Variants in ADAM2 observed in about 807,000 individuals in gnomAD.
ADAM2 encodes disintegrin and metalloproteinase domain-containing protein 2.
A neutral mutation model predicts 99.3 loss-of-function variants in ADAM2; 101 were observed. The observed-to-expected ratio is 1.02, with a 90% CI of 0.87 to 1.20. ADAM2 has a LOEUF of 1.20. Among genes scored for constraint, ADAM2 ranks in the 50% most tolerant of loss-of-function variants. The probability of loss-of-function intolerance (pLI) is 0.00; values close to 1 mark genes in which losing one functional copy is unlikely to be tolerated. For missense variants in ADAM2, 948 were observed against 878.7 expected (o/e 1.08, Z -1.00); for synonymous variants, 323 against 287.6 (o/e 1.12, Z -1.25).
chr8:39,787,014 C>T lies in ADAM2; in HGVS notation c.851G>A (p.Gly284Glu), dbSNP rs1187853699. ...TGCATAGTTTGCATCACACATCTTC[C>T]CTTGAAAGGTTGCACCAACATAATT... ...KSNYVGATFQGKMCDANYAGG... is the reference protein window; with the variant it reads ...KSNYVGATFQEKMCDANYAGG... Residue 284 changes from glycine (G) to glutamate (E), a missense_variant, in exon 10 of 21, where the codon GGG (glycine) becomes GAG (glutamate). By Grantham distance (98) the Gly-to-Glu change is moderately conservative (BLOSUM62 -2). Transcript: ENST00000265708. The T allele has an allele frequency of 1.3e-6, 2 of 1,591,116 alleles. No individual in the cohort carries two copies. The highest frequency in any genetic ancestry group is 1.3e-5 in the African/African-American group (1 of 74,130).
chr8:39,744,445 C>G (rs942313553), intron 20 of ADAM2, among the ~76,000 whole-genome samples: 1 of 151,916 alleles, frequency 6.6e-6, no homozygotes, highest in African/African-American at 2.4e-5. Flanking sequence ...CCAACCCCCC[C>G]ATCCTTAAAA....
intron 6 of ADAM2, among the ~76,000 whole-genome samples, chr8:39,816,957 C>T (rs1804968952): frequency 6.6e-6 from 1 of 152,136 alleles, no homozygotes; most frequent in Non-Finnish European, 1.5e-5. Context: ...AGTTTGTCAA[C>T]TCCTAATTAG....
In ADAM2 at chr8:39,743,845, G is replaced by T. The variant is rs958329860; in HGVS notation, c.*250C>A. 1 of 151,960 alleles carries T rather than the reference G, an allele frequency of 6.6e-6. No homozygotes were observed. The highest frequency in any genetic ancestry group is 1.5e-5 in the Non-Finnish European group (1 of 67,962). 9.4% of individuals were successfully genotyped at this position (151,960 alleles called of 1,614,324 possible). On this transcript the variant is annotated 3_prime_UTR_variant, in exon 21 of 21. Transcript: ENST00000265708. ...TAGTGTCTACTAACCAACAGAAATA[G>T]CGTAAGATAACTTTAAAAAAACAGA... is the stretch of plus-strand genomic sequence containing the variant.
chr8:39,838,121 T>C lies in ADAM2; in HGVS notation c.55+10A>G. On this transcript the variant is annotated intron_variant, in intron 1 of 20. Transcript: ENST00000265708. ...TCCCAAAAGGCCAGAGGAGGGGTTT[T>C]TCTGCTTACTACTGTCCATCCGCAG... 1.2e-6 allele frequency: 2 copies of C among 1,614,058 alleles called. No homozygotes were observed. Among genetic ancestry groups the C allele is most frequent in the South Asian group, 1.1e-5 (1 of 91,078 alleles).
At chr8:39,829,155 G>T (rs1805522431) in intron 3 of ADAM2, among the ~76,000 whole-genome samples, 1 of 151,834 alleles carries the variant, frequency 6.6e-6, no homozygotes, top group African/African-American at 2.4e-5. Flanking sequence ...AATGGGAAAG[G>T]TAAAACTAAA....
rs186853856 is a variant in ADAM2 at position 39,794,031 on chromosome 8, A to G, written c.571-5291T>C. Reference sequence around the variant, plus strand: ...TCTGTTTTAGCCATCTGGGTGAATAATCTTGTTCCATTAGCTACAAATATA... The same window carrying G: ...TCTGTTTTAGCCATCTGGGTGAATAGTCTTGTTCCATTAGCTACAAATATA... On this transcript the variant is annotated intron_variant, in intron 7 of 20. Coordinates refer to ENST00000265708, the MANE Select transcript of ADAM2 (RefSeq NM_001464.5). 1.2e-4 allele frequency among the ~76,000 whole-genome samples: 18 copies of G among 152,292 alleles called. No individual in the cohort carries two copies. In the East Asian group the frequency reaches 3.3e-3, roughly 28 times the overall value.
chr8:39,797,269 C>T (rs941024446), intron 7 of ADAM2, among the ~76,000 whole-genome samples: 7 of 152,180 alleles, frequency 4.6e-5, no homozygotes, highest in Admixed American at 2.0e-4. Context: ...CTGCATATGG[C>T]TAGCCAGTTT....
At chr8:39,771,120 A>C (rs929936965) in intron 11 of ADAM2, among the ~76,000 whole-genome samples, 1 of 152,222 alleles carries the variant, frequency 6.6e-6, no homozygotes, top group Non-Finnish European at 1.5e-5. Flanking sequence ...CATCAACCTC[A>C]ACTCACTCTG....
At position 39,831,746 on chromosome 8, in the gene ADAM2, A is replaced by G. The variant is rs369586265; in HGVS notation, c.188+2198T>C. On this transcript the variant is annotated intron_variant, in intron 3 of 20. Transcript: ENST00000265708. ...GTAAAATGGAAATCATCGAGAATAAAGCACGAAATCAGGAATAACAGGAAA... is the reference window on the plus strand; with the variant it reads ...GTAAAATGGAAATCATCGAGAATAAGGCACGAAATCAGGAATAACAGGAAA... Among the ~76,000 whole-genome samples, 7 of 152,180 alleles carry G rather than the reference A, an allele frequency of 4.6e-5. No individual in the cohort carries two copies. The East Asian group carries it at 1.2e-3, about 25-fold the overall frequency.
At chr8:39,776,915 TCA>T (rs1271404516) in intron 11 of ADAM2, 108 bp downstream of exon 11, 1 of 679,312 alleles carries the variant, frequency 1.5e-6, no homozygotes, top group Non-Finnish European at 2.5e-6. Context: ...CCTGGAGTCC[TCA>T]GTCACAGCTG....
intron 15 of ADAM2, among the ~76,000 whole-genome samples, chr8:39,760,882 CAAAAAAAAAA>C (rs58386097): frequency 2.2e-4 from 13 of 60,182 alleles, no homozygotes; most frequent in African/African-American, 2.7e-4. Context: ...GACTCCATCT[CAAAAAAAAAA>C]AAAAAAAAAA....
intron 11 of ADAM2, among the ~76,000 whole-genome samples, chr8:39,776,545 CA>C (rs950487627): frequency 6.3e-4 from 96 of 151,774 alleles, no homozygotes; most frequent in African/African-American, 2.3e-3. Context: ...TTGATATCAG[CA>C]AAAAAAATTC....
At chr8:39,744,649 G>A (rs1482266883) in intron 20 of ADAM2, among the ~76,000 whole-genome samples, 181 bp downstream of exon 20, 1 of 152,092 alleles carries the variant, frequency 6.6e-6, no homozygotes, top group Non-Finnish European at 1.5e-5. Flanking sequence ...TGGGAGGCAA[G>A]GGGAGGAAGA....
At chr8:39,829,127 TG>T (rs1365674185) in intron 3 of ADAM2, among the ~76,000 whole-genome samples, 1 of 151,946 alleles carries the variant, frequency 6.6e-6, no homozygotes, top group Non-Finnish European at 1.5e-5. Flanking sequence ...AGCCAATTTC[TG>T]TTTCAACAAA....
At chr8:39,804,489 A>G (rs530128649) in intron 7 of ADAM2, among the ~76,000 whole-genome samples, 63 of 152,280 alleles carry the variant, frequency 4.1e-4, no homozygotes, top group African/African-American at 1.5e-3. Flanking sequence ...TATAAGAGGG[A>G]GTATTCAAAG....
At chr8:39,780,845 G>T (rs1190616898) in intron 10 of ADAM2, among the ~76,000 whole-genome samples, 2 of 151,666 alleles carry the variant, frequency 1.3e-5, no homozygotes, top group Non-Finnish European at 1.5e-5. Flanking sequence ...TACCCTTTAG[G>T]GGTTAAAATT....
chr8:39,762,677 GGCTTCCCT>G (rs1176697376), intron 14 of ADAM2, among the ~76,000 whole-genome samples: 3 of 152,088 alleles, frequency 2.0e-5, no homozygotes, highest in Non-Finnish European at 4.4e-5. Flanking sequence ...CTTTACAGCA[GGCTTCCCT>G]GAAAAAGAAA....
chr8:39,790,352 C>T (rs765280179), intron 7 of ADAM2, among the ~76,000 whole-genome samples: 7 of 151,850 alleles, frequency 4.6e-5, no homozygotes, highest in Non-Finnish European at 1.0e-4. Flanking sequence ...TAAGAAGAAA[C>T]GCAGTACTAA....
At chr8:39,775,201 T>TA (rs1221047408) in intron 11 of ADAM2, among the ~76,000 whole-genome samples, 1 of 152,146 alleles carries the variant, frequency 6.6e-6, no homozygotes, top group African/African-American at 2.4e-5. Context: ...GACTTTTTTT[T>TA]AGAGTGTCCT....
Sources: gnomAD v4.1 joint callset for allele counts (sites outside exome capture counted in the v4.1 genomes callset) on GRCh38, gnomAD v4.1.1 for gene constraint, MANE v1.5 for transcripts, NCBI Gene and HGNC (gene_info 2026-07-23, HGNC 2026-07-21) for gene names.